USP25: variants seen among roughly 807,000 people sequenced by gnomAD.
USP25 encodes the protein ubiquitin specific peptidase 25, also known as ubiquitin carboxyl-terminal hydrolase 25.
Under a neutral mutation model 158.5 loss-of-function variants are expected in USP25, and 85 were observed. The observed-to-expected ratio is 0.54, with a 90% confidence interval of 0.45 to 0.64. USP25 has a LOEUF of 0.64. Ranked by LOEUF, USP25 falls within the 30% of genes least tolerant of loss-of-function variation. The pLI, the probability that USP25 is intolerant of heterozygous loss-of-function variation, is 0.00. For missense variants in USP25, 1,242 were observed against 1,327.3 expected (o/e 0.94, Z 1.00); for synonymous variants, 464 against 460.4 (o/e 1.01, Z -0.10).
At chr21:15,837,818 T>C (rs780126708) in intron 17 of USP25, among the ~76,000 whole-genome samples, 7 of 152,136 alleles carry the variant, frequency 4.6e-5, no homozygotes, top group Non-Finnish European at 8.8e-5. Context: ...CTACACTGTC[T>C]ACAAGTTAAA....
intron 4 of USP25, among the ~76,000 whole-genome samples, chr21:15,790,153 C>T (rs1457696077): frequency 6.6e-6 from 1 of 151,970 alleles, no homozygotes; most frequent in African/African-American, 2.4e-5. Context: ...GTTCATCTAA[C>T]TAAATGTCTT....
chr21:15,740,239 C>T (rs2123208227), intron 1 of USP25, among the ~76,000 whole-genome samples: 1 of 152,336 alleles, frequency 6.6e-6, no homozygotes, highest in East Asian at 1.9e-4. Context: ...GATTATTCTT[C>T]TGCACTTAAT....
chr21:15,787,902 A>ACCCCCCCCCCCCCCCCC (rs5842545), intron 4 of USP25, among the ~76,000 whole-genome samples: 6 of 83,648 alleles, frequency 7.2e-5, no homozygotes, highest in South Asian at 4.9e-4. Flanking sequence ...ACACCCCCTC[A>ACCCCCCCCCCCCCCCCC]CCCCCCCCCC....
At chr21:15,822,212 C>T (rs2146343170) in intron 10 of USP25, among the ~76,000 whole-genome samples, 1 of 151,904 alleles carries the variant, frequency 6.6e-6, no homozygotes, top group South Asian at 2.1e-4. Context: ...CCAAATATTG[C>T]AGAGCTAGAC....
At chr21:15,824,226 G>A (rs2037376109) in intron 11 of USP25, 60 bp downstream of exon 11, 2 of 1,571,596 alleles carry the variant, frequency 1.3e-6, no homozygotes, top group Non-Finnish European at 1.7e-6. Flanking sequence ...AGAAAATATT[G>A]TTTAGAGGAA....
intron 1 of USP25, among the ~76,000 whole-genome samples, chr21:15,753,998 T>C (rs999448935): frequency 1.3e-5 from 2 of 152,026 alleles, no homozygotes; most frequent in Non-Finnish European, 2.9e-5. Flanking sequence ...AGATAAAAAG[T>C]CACTCAAGTA....
chr21:15,829,478 C>G (rs868165399), intron 14 of USP25, among the ~76,000 whole-genome samples: 1 of 152,144 alleles, frequency 6.6e-6, no homozygotes, highest in Non-Finnish European at 1.5e-5. Context: ...CTCCCAGTAT[C>G]CTCCCTAGCC....
chr21:15,864,565 T>TTTG, intron 21 of USP25, 119 bp downstream of exon 21: 1 of 959,708 alleles, frequency 1.0e-6, no homozygotes, highest in Non-Finnish European at 1.5e-6. Flanking sequence ...TTTTAATAAA[T>TTTG]ACGTAACAAA....
intron 1 of USP25, among the ~76,000 whole-genome samples, chr21:15,738,519 A>G (rs2123192722): frequency 6.6e-6 from 1 of 152,358 alleles, no homozygotes; most frequent in African/African-American, 2.4e-5. Flanking sequence ...AATTTCTGAT[A>G]ACTGTTATAT....
chr21:15,839,966 T>C (rs1030587241), intron 17 of USP25, among the ~76,000 whole-genome samples: 1 of 152,142 alleles, frequency 6.6e-6, no homozygotes, highest in Non-Finnish European at 1.5e-5. Flanking sequence ...CTGAGAGCAC[T>C]TCTCTAGTAG....
chr21:15,847,827 T>C (rs1381852044), intron 19 of USP25, 51 bp downstream of exon 19: 9 of 1,283,004 alleles, frequency 7.0e-6, no homozygotes, highest in Middle Eastern at 1.9e-4. Flanking sequence ...TGCTATTTAA[T>C]ACAAATACTT....
chr21:15,873,628 G>C (rs566259065), intron 23 of USP25, among the ~76,000 whole-genome samples: 1 of 151,924 alleles, frequency 6.6e-6, no homozygotes, highest in South Asian at 2.1e-4. Flanking sequence ...CGAGTAGCTG[G>C]GACTACAGGC....
chr21:15,870,167 T>C lies in USP25; in HGVS notation c.2885+20T>C, dbSNP rs758103184. The C allele has an allele frequency of 2.5e-6, 4 of 1,574,764 alleles. No individual in the cohort carries two copies. In the East Asian group the frequency reaches 9.1e-5, roughly 36 times the overall value. On this transcript the variant is annotated intron_variant, in intron 23 of 25. Transcript: ENST00000400183. ...AGAAAGGTAAGGCAAAGTGGACAAA[T>C]ATGAAAAGAGCATAATTTTTGCACT...
At chr21:15,794,284 C>G (rs2035746579) in intron 5 of USP25, among the ~76,000 whole-genome samples, 1 of 151,412 alleles carries the variant, frequency 6.6e-6, no homozygotes, top group Non-Finnish European at 1.5e-5. Context: ...AAAGGGGGAA[C>G]AGAATGTAAG....
intron 1 of USP25, among the ~76,000 whole-genome samples, chr21:15,740,065 G>A (rs994016092): frequency 4.6e-5 from 7 of 152,164 alleles, no homozygotes; most frequent in Non-Finnish European, 1.0e-4. Flanking sequence ...ATTTTCCTTA[G>A]TCTTGTTACT....
At chr21:15,799,943 C>A in intron 6 of USP25, 100 bp downstream of exon 6, 1 of 608,374 alleles carries the variant, frequency 1.6e-6, no homozygotes, top group Non-Finnish European at 2.6e-6. Flanking sequence ...AAATCTGAAA[C>A]TGTCAATTTG....
intron 1 of USP25, among the ~76,000 whole-genome samples, chr21:15,745,737 A>G (rs2032498773): frequency 2.0e-5 from 3 of 152,052 alleles, no homozygotes; most frequent in African/African-American, 7.2e-5. Flanking sequence ...CGGTCTCCCA[A>G]AGTGCTGGGA....
At chr21:15,769,306 A>C (rs1278918068) in intron 3 of USP25, among the ~76,000 whole-genome samples, 1 of 152,092 alleles carries the variant, frequency 6.6e-6, no homozygotes, top group African/African-American at 2.4e-5. Flanking sequence ...AGACATATCA[A>C]AGAAATCTTG....
chr21:15,830,016 A>G (rs2037720160), intron 14 of USP25, among the ~76,000 whole-genome samples: 1 of 152,146 alleles, frequency 6.6e-6, no homozygotes, highest in South Asian at 2.1e-4. Flanking sequence ...ATTATTGTGG[A>G]CAATATGACT....
Sources: gnomAD v4.1 joint callset for allele counts (sites outside exome capture counted in the v4.1 genomes callset) on GRCh38, gnomAD v4.1.1 for gene constraint, MANE v1.5 for transcripts, NCBI Gene and HGNC (gene_info 2026-07-23, HGNC 2026-07-21) for gene names.